Variants in SRBD1 observed in about 807,000 individuals in gnomAD.
SRBD1 encodes S1 RNA binding domain 1, also known as S1 RNA-binding domain-containing protein 1.
A neutral mutation model predicts 115.3 loss-of-function variants in SRBD1; 88 were observed. That is an observed-to-expected ratio of 0.76 (90% CI 0.64 to 0.91). The LOEUF is 0.91. Ranked by LOEUF, SRBD1 falls within the 40% of genes least tolerant of loss-of-function variation. The probability of loss-of-function intolerance (pLI) is 0.00; values close to 1 mark genes in which losing one functional copy is unlikely to be tolerated. For missense variants in SRBD1, 1,385 were observed against 1,177.4 expected (o/e 1.18, Z -2.58); for synonymous variants, 509 against 407.7 (o/e 1.25, Z -2.99).
At chr2:45,489,144 T>A (rs6713959) in intron 14 of SRBD1, among the ~76,000 whole-genome samples, 11,903 of 152,206 alleles carry the variant, frequency 0.078, 637 homozygotes, top group African/African-American at 0.14. Context: ...ACATTAGAGT[T>A]CTCCTTTATG....
intron 14 of SRBD1, among the ~76,000 whole-genome samples, chr2:45,537,420 G>A (rs1488476884): frequency 2.6e-5 from 4 of 152,132 alleles, no homozygotes; most frequent in Admixed American, 6.5e-5. Context: ...CAAACTTCAA[G>A]AGGGGTAGGG....
chr2:45,467,609 AC>A (rs1669529408), intron 16 of SRBD1, among the ~76,000 whole-genome samples: 1 of 152,138 alleles, frequency 6.6e-6, no homozygotes, highest in South Asian at 2.1e-4. Flanking sequence ...CAGAAGAAAA[AC>A]CTGCATTTAT....
intron 14 of SRBD1, among the ~76,000 whole-genome samples, chr2:45,500,301 A>G (rs1009833184): frequency 2.0e-4 from 28 of 141,214 alleles, no homozygotes; most frequent in Middle Eastern, 3.6e-3. Context: ...GTGTGTGTGT[A>G]TGTGTGTGTT....
At chr2:45,391,432 A>G (rs1413897428) in intron 20 of SRBD1, among the ~76,000 whole-genome samples, 1 of 152,208 alleles carries the variant, frequency 6.6e-6, no homozygotes, top group Non-Finnish European at 1.5e-5. Flanking sequence ...TTTTGAGAAA[A>G]TGGAGAAAAG....
chr2:45,406,562 A>G (rs1203726011), intron 19 of SRBD1, among the ~76,000 whole-genome samples: 4 of 152,214 alleles, frequency 2.6e-5, no homozygotes, highest in African/African-American at 9.6e-5. Flanking sequence ...TCTAGGATGA[A>G]CACGCTACTC....
At position 45,421,588 on chromosome 2, in the gene SRBD1, T is replaced by C. The variant is rs574145279; in HGVS notation, c.2050-1694A>G. ...TTACAATTGATGAAATGCAATATTT[T>C]AAAGTATTTGTTGACTAACTGAAGC... On this transcript the variant is annotated intron_variant, in intron 16 of 20. Coordinates refer to ENST00000263736, the MANE Select transcript of SRBD1 (RefSeq NM_018079.5). 4.8e-5 allele frequency among the ~76,000 whole-genome samples: 7 copies of C among 146,836 alleles called. No homozygotes were observed. In the South Asian group the frequency reaches 1.5e-3, roughly 32 times the overall value.
chr2:45,524,374 G>T (rs1004865092), intron 14 of SRBD1, among the ~76,000 whole-genome samples: 3 of 151,956 alleles, frequency 2.0e-5, no homozygotes, highest in Admixed American at 2.0e-4. Flanking sequence ...TCTATTCACA[G>T]ATAACATTAT....
At chr2:45,553,755 A>G in intron 10 of SRBD1, 25 bp from the exon 11 acceptor site, 1 of 1,465,064 alleles carries the variant, frequency 6.8e-7, no homozygotes, top group Non-Finnish European at 9.2e-7. Context: ...AGCCCACACT[A>G]AAACTGATGC....
chr2:45,400,700 A>G (rs969533186), intron 19 of SRBD1, among the ~76,000 whole-genome samples: 1 of 152,102 alleles, frequency 6.6e-6, no homozygotes, highest in African/African-American at 2.4e-5. Flanking sequence ...TAATAATCAT[A>G]TTAACACTAG....
At chr2:45,575,386 T>C (rs528856185) in intron 7 of SRBD1, among the ~76,000 whole-genome samples, 1 of 152,356 alleles carries the variant, frequency 6.6e-6, no homozygotes, top group East Asian at 1.9e-4. Flanking sequence ...TAAATCAAGG[T>C]CTTTCTGATA....
intron 3 of SRBD1, among the ~76,000 whole-genome samples, chr2:45,601,472 T>A (rs1558506360): frequency 6.6e-6 from 1 of 152,250 alleles, no homozygotes; most frequent in Non-Finnish European, 1.5e-5. Context: ...GACAAAATCA[T>A]GTTCCTAACT....
Position 45,605,454 on chromosome 2 carries a change from G to C in SRBD1, c.1-13C>G, listed in dbSNP as rs1327521752. 1 of 1,611,090 alleles carries C rather than the reference G, an allele frequency of 6.2e-7. No homozygotes were observed. On this transcript the variant is annotated splice_polypyrimidine_tract_variant and intron_variant, in intron 1 of 20. Transcript: ENST00000263736. ...GCAATGATGACATCTAGAAGAAACA[G>C]AAAATAAAATCAGCAACACTTGAAT...
intron 16 of SRBD1, among the ~76,000 whole-genome samples, chr2:45,439,633 T>C (rs187551368): frequency 2.3e-4 from 35 of 151,940 alleles, no homozygotes; most frequent in Admixed American, 2.2e-3. Context: ...AAAAAGCAGA[T>C]GGGACAAACA....
chr2:45,469,699 T>C (rs1669590780), intron 16 of SRBD1, among the ~76,000 whole-genome samples: 1 of 152,108 alleles, frequency 6.6e-6, no homozygotes, highest in Admixed American at 6.6e-5. Flanking sequence ...AAGGAATAAA[T>C]AGCAAATTCT....
intron 4 of SRBD1, 150 bp downstream of exon 4, chr2:45,599,299 G>T: frequency 1.9e-6 from 2 of 1,079,006 alleles, no homozygotes; most frequent in African/African-American, 3.2e-5. Flanking sequence ...ACCCAAGAAA[G>T]TTACAAGTAG....
rs1362514277 is a variant in SRBD1, at chr2:45,601,954, ATTC to A, written c.207_209del (p.Lys69del). ...CTGAGCCATCACTGATCTGTGGGGC[ATTC>A]TTCTTCACCCGAGGCATCCTCTTTG... On this transcript the variant is annotated inframe_deletion, in exon 3 of 21. Transcript: ENST00000263736. 2 of 1,614,098 alleles carry A rather than the reference ATTC, an allele frequency of 1.2e-6. No individual in the cohort carries two copies. The highest frequency in any genetic ancestry group is 2.7e-5 in the African/African-American group (2 of 74,940).
chr2:45,445,661 A>C (rs1668801848), intron 16 of SRBD1, among the ~76,000 whole-genome samples: 1 of 152,056 alleles, frequency 6.6e-6, no homozygotes, highest in South Asian at 2.1e-4. Flanking sequence ...CAGCATAGAA[A>C]AACCATGTTG....
intron 16 of SRBD1, among the ~76,000 whole-genome samples, chr2:45,423,884 G>T (rs74943793): frequency 1.8e-3 from 273 of 152,152 alleles, no homozygotes; most frequent in Non-Finnish European, 3.3e-3. Flanking sequence ...ATGAACTTAA[G>T]AACCAGACTC....
Position 45,453,617 on chromosome 2 carries a change from C to CA in SRBD1, c.2049+23375dup, listed in dbSNP as rs200211270. On this transcript the variant is annotated intron_variant, in intron 16 of 20. Coordinates refer to ENST00000263736, the MANE Select transcript of SRBD1 (RefSeq NM_018079.5). ...TATAAATTTGGTAAATATTAAAACT[C>CA]AAAAAAAAATAGCTTCTAACTAGTG... is the stretch of plus-strand genomic sequence containing the variant. Among the ~76,000 whole-genome samples the CA allele has an allele frequency of 3.7e-3, 552 of 148,824 alleles. 6 individuals are homozygous for CA. Among genetic ancestry groups the CA allele is most frequent in the African/African-American group, 0.011 (447 of 40,748 alleles).
Sources: allele counts gnomAD v4.1 joint callset (sites outside exome capture counted in the v4.1 genomes callset), GRCh38; gene constraint gnomAD v4.1.1; transcripts MANE v1.5; gene names NCBI Gene and HGNC (gene_info 2026-07-23, HGNC 2026-07-21).